Variants in RARB observed in about 807,000 individuals in gnomAD.
The protein encoded by RARB is HBV-activated protein.
A neutral mutation model predicts 51.9 loss-of-function variants in RARB; 17 were observed. The observed-to-expected ratio is 0.33, with a 90% confidence interval of 0.22 to 0.49. The LOEUF is 0.49. Among genes scored for constraint, RARB ranks in the 20% least tolerant of loss-of-function variants. RARB has a pLI of 0.99. For synonymous variants in RARB, 215 were observed against 195.4 expected, an observed-to-expected ratio of 1.10 and a Z score of -0.84; for missense variants, 369 against 550.8, an observed-to-expected ratio of 0.67 and a Z score of 3.30.
intron 3 of RARB, among the ~76,000 whole-genome samples, chr3:25,529,552 G>T (rs1282275908): frequency 6.6e-6 from 1 of 152,176 alleles, no homozygotes; most frequent in Non-Finnish European, 1.5e-5. Context: ...AGGAAATGAT[G>T]AAATGGACGA....
At chr3:24,916,809 TTTAACA>T (rs1185143515) in intron 2 of RARB, among the ~76,000 whole-genome samples, 1 of 150,970 alleles carries the variant, frequency 6.6e-6, no homozygotes, top group Non-Finnish European at 1.5e-5. Flanking sequence ...AGGTACATGT[TTTAACA>T]CCCCAAAATG....
intron 2 of RARB, among the ~76,000 whole-genome samples, chr3:25,047,669 T>C (rs1306127801): frequency 1.3e-5 from 2 of 152,224 alleles, no homozygotes; most frequent in Non-Finnish European, 2.9e-5. Context: ...AGTAGGTCTT[T>C]TGTTTTCCCT....
At chr3:25,330,710 C>G (rs1429971822) in intron 5 of RARB, among the ~76,000 whole-genome samples, 1 of 152,144 alleles carries the variant, frequency 6.6e-6, no homozygotes, top group East Asian at 1.9e-4. Context: ...TTAAAAGACA[C>G]AGACTGGCAA....
chr3:25,301,901 G>T (rs1392164790), intron 5 of RARB, among the ~76,000 whole-genome samples: 1 of 152,148 alleles, frequency 6.6e-6, no homozygotes, highest in African/African-American at 2.4e-5. Context: ...AATAGCAGAG[G>T]CCCAAGTAAT....
At chr3:25,151,769 A>G (rs1468706917) in intron 4 of RARB, among the ~76,000 whole-genome samples, 1 of 152,182 alleles carries the variant, frequency 6.6e-6, no homozygotes, top group Non-Finnish European at 1.5e-5. Context: ...CACGTCTCAA[A>G]GGAATGTTTG....
At chr3:24,862,546 C>G (rs1315313467) in intron 2 of RARB, among the ~76,000 whole-genome samples, 1 of 152,212 alleles carries the variant, frequency 6.6e-6, no homozygotes, top group Non-Finnish European at 1.5e-5. Flanking sequence ...TCTGGCTCTC[C>G]TGCTTTGTCC....
intron 4 of RARB, among the ~76,000 whole-genome samples, chr3:25,144,636 T>G (rs1029773701): frequency 1.3e-5 from 2 of 152,196 alleles, no homozygotes; most frequent in African/African-American, 4.8e-5. Flanking sequence ...TTAACAAGCT[T>G]ATTTGGATTG....
intron 3 of RARB, among the ~76,000 whole-genome samples, chr3:25,510,995 C>T (rs1364577687): frequency 1.3e-5 from 2 of 152,186 alleles, no homozygotes; most frequent in Non-Finnish European, 2.9e-5. Context: ...ATCTGCAGTC[C>T]ATTTGGTGTT....
intron 3 of RARB, among the ~76,000 whole-genome samples, chr3:25,568,786 C>A (rs1277415802): frequency 6.6e-6 from 1 of 152,350 alleles, no homozygotes; most frequent in Non-Finnish European, 1.5e-5. Flanking sequence ...AGCCTGGCAC[C>A]CGCTGGGCCC....
chr3:25,358,087 C>T (rs899773436), intron 5 of RARB, among the ~76,000 whole-genome samples: 23 of 149,132 alleles, frequency 1.5e-4, no homozygotes, highest in African/African-American at 3.9e-4. Flanking sequence ...GAATCTATCA[C>T]GATATTGATT....
At chr3:25,088,665 T>C (rs1699144670) in intron 3 of RARB, among the ~76,000 whole-genome samples, 1 of 152,124 alleles carries the variant, frequency 6.6e-6, no homozygotes, top group Non-Finnish European at 1.5e-5. Context: ...AAAGAATAGA[T>C]GTTAAAGCTA....
At position 25,572,070 on chromosome 3, in the gene RARB, G is replaced by A. The variant is rs144548942; in HGVS notation, c.609+2152G>A. 2.2e-3 allele frequency among the ~76,000 whole-genome samples: 331 copies of A among 152,318 alleles called. 1 individual carries two copies. The highest frequency in any genetic ancestry group is 7.3e-3 in the African/African-American group (304 of 41,568). On this transcript the variant is annotated intron_variant, in intron 4 of 7. Transcript: ENST00000330688. ...GCCCTGTATTGAGCTGTGTATCAAG[G>A]TGAGGGCGTCTTGACCTAAGAAATG...
chr3:24,992,425 T>G (rs139559311), intron 2 of RARB, among the ~76,000 whole-genome samples: 2 of 152,100 alleles, frequency 1.3e-5, no homozygotes, highest in Non-Finnish European at 2.9e-5. Context: ...TATTAAGTAA[T>G]AGAGGCTGAT....
intron 3 of RARB, among the ~76,000 whole-genome samples, chr3:25,130,895 T>A (rs1699935770): frequency 3.8e-5 from 1 of 26,166 alleles, no homozygotes; most frequent in Non-Finnish European, 8.4e-5. Flanking sequence ...TTATTGATAA[T>A]ATCAATATTA....
intron 5 of RARB, among the ~76,000 whole-genome samples, chr3:25,232,040 T>C (rs1702190197): frequency 6.6e-6 from 1 of 152,112 alleles, no homozygotes; most frequent in African/African-American, 2.4e-5. Flanking sequence ...ATCTATGAGG[T>C]ATTGTTTGAG....
chr3:25,208,547 A>G (rs969836176), intron 5 of RARB, among the ~76,000 whole-genome samples: 3 of 152,118 alleles, frequency 2.0e-5, no homozygotes, highest in African/African-American at 7.2e-5. Context: ...CTCATCCTAA[A>G]TATCAGTGCC....
At chr3:24,993,403 C>G (rs2125436390) in intron 2 of RARB, among the ~76,000 whole-genome samples, 1 of 152,036 alleles carries the variant, frequency 6.6e-6, no homozygotes, top group South Asian at 2.1e-4. Flanking sequence ...TTTAAATTTT[C>G]AAAGTCTTTT....
chr3:25,096,811 T>C (rs1326460131), intron 3 of RARB, among the ~76,000 whole-genome samples: 2 of 152,120 alleles, frequency 1.3e-5, no homozygotes, highest in Admixed American at 6.6e-5. Flanking sequence ...TTCACAGACA[T>C]GACATTGTCA....
At chr3:25,511,884 G>C (rs746824292) in intron 3 of RARB, among the ~76,000 whole-genome samples, 2 of 152,288 alleles carry the variant, frequency 1.3e-5, no homozygotes, top group African/African-American at 2.4e-5. Flanking sequence ...GTCAATGAAT[G>C]GGTGGATCTG....
Sources: gnomAD v4.1 joint callset for allele counts (sites outside exome capture counted in the v4.1 genomes callset) on GRCh38, gnomAD v4.1.1 for gene constraint, MANE v1.5 for transcripts, NCBI Gene and HGNC (gene_info 2026-07-23, HGNC 2026-07-21) for gene names.